FREM1: variants seen among roughly 807,000 people sequenced by gnomAD.
FREM1 encodes FRAS1-related extracellular matrix protein 1.
In FREM1, 220 loss-of-function variants were observed where a neutral mutation model predicts 210.1. That is an observed-to-expected ratio of 1.05 (90% CI 0.94 to 1.17). The LOEUF (loss-of-function observed/expected upper bound fraction) is 1.17, where lower values mean the gene tolerates loss of function less well. Ranked by LOEUF, FREM1 falls within the 50% of genes most tolerant of loss-of-function variation. The pLI, the probability that FREM1 is intolerant of heterozygous loss-of-function variation, is 0.00. For synonymous variants in FREM1, 1,189 were observed against 980.2 expected (o/e 1.21, Z -3.98); for missense variants, 3,454 against 2,675.5 (o/e 1.29, Z -6.42).
At chr9:14,789,523 G>A (rs10810243) in intron 22 of FREM1, among the ~76,000 whole-genome samples, 18,574 of 152,072 alleles carry the variant, frequency 0.12, 1,494 homozygotes, top group East Asian at 0.23. Flanking sequence ...TGTTCAACTA[G>A]TCAAATATAC....
intron 25 of FREM1, among the ~76,000 whole-genome samples, chr9:14,774,456 C>T (rs1021481818): frequency 6.6e-6 from 1 of 151,652 alleles, no homozygotes; most frequent in Non-Finnish European, 1.5e-5. Flanking sequence ...CTGTGTATTT[C>T]GGACATGCCA....
intron 21 of FREM1, among the ~76,000 whole-genome samples, chr9:14,794,223 T>G (rs1022011369): frequency 2.0e-5 from 3 of 150,420 alleles, no homozygotes; most frequent in African/African-American, 2.5e-5. Context: ...AGAGAGGGAG[T>G]AGGAGAGAAA....
chr9:14,792,452 T>A (rs1372366585), intron 22 of FREM1, among the ~76,000 whole-genome samples: 1 of 152,132 alleles, frequency 6.6e-6, no homozygotes. Flanking sequence ...TCCTGGATTA[T>A]CCTCAGAAAG....
intron 10 of FREM1, among the ~76,000 whole-genome samples, chr9:14,840,225 A>G (rs921309716): frequency 2.6e-5 from 4 of 152,224 alleles, no homozygotes; most frequent in South Asian, 4.1e-4. Context: ...TTAAGCAGTC[A>G]TTCTAGAACA....
chr9:14,807,076 G>A (rs2133421715), intron 17 of FREM1, among the ~76,000 whole-genome samples: 1 of 152,270 alleles, frequency 6.6e-6, no homozygotes, highest in African/African-American at 2.4e-5. Flanking sequence ...TTCTTGTCCA[G>A]GCAAGTCAGA....
At chr9:14,761,521 T>A (rs370357758) in intron 27 of FREM1, among the ~76,000 whole-genome samples, 59 of 152,252 alleles carry the variant, frequency 3.9e-4, no homozygotes, top group African/African-American at 1.4e-3. Flanking sequence ...ATGAAACAGA[T>A]CAAGAAACAG....
intron 25 of FREM1, among the ~76,000 whole-genome samples, chr9:14,771,915 A>G (rs993668679): frequency 2.0e-5 from 3 of 152,050 alleles, no homozygotes; most frequent in Admixed American, 6.6e-5. Context: ...TAATTATAAT[A>G]CTATTTTTGT....
Position 14,824,835 on chromosome 9 carries a change from T to C in FREM1, c.2039A>G (p.Tyr680Cys), listed in dbSNP as rs1389369347. Residue 680 changes from tyrosine to cysteine, a missense_variant, in exon 11 of 37, where the codon TAC (tyrosine) becomes TGC (cysteine). By Grantham distance (194) the Tyr-to-Cys change is radical. Transcript: ENST00000380880. ...GAAAAATGGAGGAGTAGTTATTGTG[T>C]AGACCAGCTCCCTGTCATATGATTC... is the stretch of plus-strand genomic sequence containing the variant. ...DSESYDRELVYTITTPPFFSF... is the reference protein window; with the variant it reads ...DSESYDRELVCTITTPPFFSF... 1 of 1,613,126 alleles carries C rather than the reference T, an allele frequency of 6.2e-7. No individual in the cohort carries two copies.
In FREM1 at chr9:14,775,783, A is replaced by G. The variant is rs369236252; in HGVS notation, c.4857+6T>C. 43 of 1,591,582 alleles carry G rather than the reference A, an allele frequency of 2.7e-5. No individual in the cohort carries two copies. The highest frequency in any genetic ancestry group is 3.5e-5 in the Non-Finnish European group (41 of 1,162,286). Reference sequence around the variant, plus strand: ...CTGGCAAATGAACTGTGTTTTTCATACTTGCCTGAATGGTGAATAAAACAG... The same window carrying G: ...CTGGCAAATGAACTGTGTTTTTCATGCTTGCCTGAATGGTGAATAAAACAG... On this transcript the variant is annotated splice_donor_region_variant and intron_variant, in intron 25 of 36. Transcript: ENST00000380880.
chr9:14,897,864 G>T (rs1838029202), intron 1 of FREM1, among the ~76,000 whole-genome samples: 1 of 152,174 alleles, frequency 6.6e-6, no homozygotes, highest in Non-Finnish European at 1.5e-5. Context: ...AAAGTGCTGG[G>T]ATTATAGGCA....
chr9:14,797,915 G>A (rs1367218857), intron 20 of FREM1, among the ~76,000 whole-genome samples: 2 of 152,110 alleles, frequency 1.3e-5, no homozygotes, highest in African/African-American at 4.8e-5. Context: ...ATAAACAAAG[G>A]TGCAGGGTAT....
At chr9:14,875,462 C>G (rs577130088) in intron 1 of FREM1, among the ~76,000 whole-genome samples, 112 of 152,320 alleles carry the variant, frequency 7.4e-4, no homozygotes, top group South Asian at 1.7e-3. Context: ...TCCAGTTGAT[C>G]GCATCGGCTC....
chr9:14,904,741 C>G (rs987807539), intron 1 of FREM1, among the ~76,000 whole-genome samples: 4 of 152,022 alleles, frequency 2.6e-5, no homozygotes, highest in African/African-American at 9.7e-5. Context: ...AGGTACTTTC[C>G]GGGATCACTT....
intron 28 of FREM1, among the ~76,000 whole-genome samples, chr9:14,759,518 C>T (rs10733288): frequency 3.5e-5 from 5 of 143,044 alleles, no homozygotes; most frequent in East Asian, 2.1e-4. Context: ...CTCAAAATAA[C>T]AATAATAATA....
chr9:14,746,849 A>C, intron 34 of FREM1, 74 bp downstream of exon 34: 1 of 1,507,806 alleles, frequency 6.6e-7, no homozygotes, highest in Non-Finnish European at 8.9e-7. Flanking sequence ...CATGCACCAG[A>C]TGGTTCCCCT....
intron 29 of FREM1, among the ~76,000 whole-genome samples, chr9:14,754,533 G>A (rs890656984): frequency 6.6e-6 from 1 of 152,136 alleles, no homozygotes; most frequent in Admixed American, 6.5e-5. Flanking sequence ...CAGTACCTCT[G>A]AATGTGACCT....
intron 21 of FREM1, among the ~76,000 whole-genome samples, chr9:14,796,733 C>A (rs1852466633): frequency 6.6e-6 from 1 of 152,140 alleles, no homozygotes; most frequent in African/African-American, 2.4e-5. Context: ...TTTCTCTCTC[C>A]TGCTACCATG....
At position 14,869,054 on chromosome 9, in the gene FREM1, A is replaced by C; in HGVS notation, c.-77T>G. 1 of 1,015,602 alleles carries C rather than the reference A, an allele frequency of 9.8e-7. No homozygotes were observed. The highest frequency in any genetic ancestry group is 1.4e-6 in the Non-Finnish European group (1 of 703,806). The allele number at this position is 1,015,602 out of a possible 1,614,324, so 62.9% of individuals were successfully genotyped here. On this transcript the variant is annotated 5_prime_UTR_variant, in exon 2 of 37. Transcript: ENST00000380880. The stretch of plus-strand genomic sequence containing the variant: ...GGAGGGCTTCTGTGCTTCCTCCTGG[A>C]GGGTCAGCTCATAGTCCAAGGGGCA...
intron 10 of FREM1, among the ~76,000 whole-genome samples, chr9:14,835,144 A>G (rs1824312508): frequency 6.6e-6 from 1 of 152,240 alleles, no homozygotes. Flanking sequence ...CTGCACTCAC[A>G]AAGTTAAAGC....
Sources: gnomAD v4.1 joint callset for allele counts (sites outside exome capture counted in the v4.1 genomes callset) on GRCh38, gnomAD v4.1.1 for gene constraint, MANE v1.5 for transcripts, NCBI Gene and HGNC (gene_info 2026-07-23, HGNC 2026-07-21) for gene names.